AKAP11: variants seen among roughly 807,000 people sequenced by gnomAD.
The protein encoded by AKAP11 is A-kinase anchor protein 11.
A neutral mutation model predicts 146.1 loss-of-function variants in AKAP11; 36 were observed. That is an observed-to-expected ratio of 0.25 (90% CI 0.19 to 0.33). AKAP11 has a LOEUF of 0.33. Among genes scored for constraint, AKAP11 ranks in the 10% least tolerant of loss-of-function variants. The pLI, the probability that AKAP11 is intolerant of heterozygous loss-of-function variation, is 1.00. For synonymous variants in AKAP11, 780 were observed against 786.5 expected (o/e 0.99, Z 0.14); for missense variants, 2,201 against 2,197.0 (o/e 1.00, Z -0.04).
intron 9 of AKAP11, among the ~76,000 whole-genome samples, chr13:42,310,222 T>C (rs576794319): frequency 2.0e-4 from 30 of 152,340 alleles, no homozygotes; most frequent in Admixed American, 1.9e-3. Context: ...AAAAGACCTG[T>C]GTTTCCATTG....
intron 10 of AKAP11, among the ~76,000 whole-genome samples, chr13:42,313,566 T>C (rs1960669858): frequency 6.6e-6 from 1 of 152,214 alleles, no homozygotes; most frequent in Admixed American, 6.5e-5. Context: ...TCCTGGCATT[T>C]TGTAATATTC....
rs748329840 is a variant in AKAP11 at position 42,313,914 on chromosome 13, A to G, written c.5378A>G (p.Asp1793Gly). Residue 1793 changes from aspartate to glycine, a missense_variant, in exon 11 of 13, where the codon GAT becomes GGT. Coordinates refer to ENST00000025301, the MANE Select transcript of AKAP11 (RefSeq NM_016248.4). ...ATAAGTGATGGACCAGATGATAAAG[A>G]TGAAGAGCATGAGGACGAAGTAGAA... is the stretch of plus-strand genomic sequence containing the variant. The part of the protein sequence containing the change: ...TSDSDGPDDK[D>G]EEHEDEVEGL... 2 of 1,613,820 alleles carry G rather than the reference A, an allele frequency of 1.2e-6. No individual in the cohort carries two copies. Among genetic ancestry groups the G allele is most frequent in the Non-Finnish European group, 1.7e-6 (2 of 1,179,814 alleles).
At chr13:42,292,685 G>T (rs1959266054) in intron 4 of AKAP11, among the ~76,000 whole-genome samples, 184 bp downstream of exon 4, 2 of 152,102 alleles carry the variant, frequency 1.3e-5, no homozygotes, top group African/African-American at 2.4e-5. Context: ...TTAAATACTG[G>T]CTAAAATAAT....
intron 9 of AKAP11, among the ~76,000 whole-genome samples, chr13:42,309,029 G>A (rs1348784742): frequency 6.6e-6 from 1 of 151,978 alleles, no homozygotes; most frequent in African/African-American, 2.4e-5. Context: ...GTATCTTTTT[G>A]GTGGGGCGAG....
chr13:42,296,927 T>C, intron 5 of AKAP11, 121 bp from the exon 6 acceptor site: 5 of 733,654 alleles, frequency 6.8e-6, no homozygotes, highest in Non-Finnish European at 1.1e-5. Flanking sequence ...ATGTTAACTA[T>C]TATGAACCAG....
intron 1 of AKAP11, among the ~76,000 whole-genome samples, chr13:42,273,254 G>A (rs757014167): frequency 1.3e-5 from 2 of 151,946 alleles, no homozygotes; most frequent in Non-Finnish European, 2.9e-5. Context: ...GAAAAAATGG[G>A]GTATCAGTAA....
rs770356064 is a variant in AKAP11, at chr13:42,298,691, T to C, written c.510T>C (p.Asp170=). 6.2e-7 allele frequency: 1 copy of C among 1,611,560 alleles called. No homozygotes were observed. The highest frequency in any genetic ancestry group is 8.5e-7 in the Non-Finnish European group (1 of 1,179,138). ...AGAAGCACCAACTTGAGACCACTGA[T>C]GAAGATGATGATGATACTAACCAGT... The part of the protein sequence containing the change: ...LHQKHQLETT[D]EDDDDTNQSV... The change falls in exon 7 of 13, where the codon GAT becomes GAC. Residue 170 remains aspartate, a synonymous_variant. Coordinates refer to ENST00000025301, the MANE Select transcript of AKAP11 (RefSeq NM_016248.4).
chr13:42,288,096 C>T (rs1959180073), intron 3 of AKAP11, among the ~76,000 whole-genome samples: 1 of 152,194 alleles, frequency 6.6e-6, no homozygotes, highest in Non-Finnish European at 1.5e-5. Context: ...CATACACCAC[C>T]TTCTACATCT....
chr13:42,314,446 TAAA>T (rs59968668), intron 11 of AKAP11, among the ~76,000 whole-genome samples: 1 of 124,774 alleles, frequency 8.0e-6, no homozygotes. Context: ...GACTCTGACT[TAAA>T]AAAAAAAAAA....
At chr13:42,293,559 A>G (rs765659811) in intron 4 of AKAP11, among the ~76,000 whole-genome samples, 1 of 152,122 alleles carries the variant, frequency 6.6e-6, no homozygotes, top group Non-Finnish European at 1.5e-5. Context: ...GCCACTCTTA[A>G]TCTACTTGGT....
chr13:42,291,475 A>C (rs1000225085), intron 3 of AKAP11, among the ~76,000 whole-genome samples: 1 of 151,754 alleles, frequency 6.6e-6, no homozygotes, highest in Non-Finnish European at 1.5e-5. Flanking sequence ...CTGGTCTCGA[A>C]CTCCTTACCT....
At chr13:42,316,638 C>T (rs1489184318) in intron 11 of AKAP11, among the ~76,000 whole-genome samples, 1 of 152,138 alleles carries the variant, frequency 6.6e-6, no homozygotes, top group Non-Finnish European at 1.5e-5. Flanking sequence ...AGATTAAGAG[C>T]ATGGAGCCAG....
chr13:42,305,205 G>T (rs1960187686), intron 8 of AKAP11, among the ~76,000 whole-genome samples: 1 of 152,206 alleles, frequency 6.6e-6, no homozygotes, highest in Non-Finnish European at 1.5e-5. Context: ...AGTTGAGGTG[G>T]AATTTAATTG....
intron 9 of AKAP11, among the ~76,000 whole-genome samples, chr13:42,311,541 G>A (rs193098428): frequency 9.2e-4 from 140 of 152,188 alleles, no homozygotes; most frequent in African/African-American, 3.3e-3. Context: ...CACAAAGAGG[G>A]AGGGGTGATA....
chr13:42,296,901 G>C (rs943426853), intron 5 of AKAP11, 147 bp from the exon 6 acceptor site: 1 of 492,038 alleles, frequency 2.0e-6, no homozygotes, highest in East Asian at 3.8e-5. Flanking sequence ...AATTATCTGT[G>C]AATAATAAAC....
At chr13:42,277,681 G>A (rs1958958739) in intron 1 of AKAP11, among the ~76,000 whole-genome samples, 1 of 152,218 alleles carries the variant, frequency 6.6e-6, no homozygotes, top group Non-Finnish European at 1.5e-5. Context: ...CCAAATGCCT[G>A]TCTGCATTCA....
At chr13:42,276,326 ACCT>A (rs1467608174) in intron 1 of AKAP11, among the ~76,000 whole-genome samples, 1 of 151,844 alleles carries the variant, frequency 6.6e-6, no homozygotes, top group Non-Finnish European at 1.5e-5. Flanking sequence ...GCTCACTGCA[ACCT>A]CCTCCTCCCA....
chr13:42,317,034 C>T (rs28392640), intron 11 of AKAP11, among the ~76,000 whole-genome samples: 19,417 of 152,034 alleles, frequency 0.13, 1,387 homozygotes, highest in South Asian at 0.2. Context: ...TGTGCCACCA[C>T]GCCTGGCCGG....
chr13:42,314,021 A>G (rs1021738944), intron 11 of AKAP11, 81 bp downstream of exon 11: 19 of 1,400,674 alleles, frequency 1.4e-5, no homozygotes, highest in Non-Finnish European at 1.9e-5. Context: ...TTTTCATCAG[A>G]TAGGCTCTAG....
Sources: allele counts gnomAD v4.1 joint callset (sites outside exome capture counted in the v4.1 genomes callset), GRCh38; gene constraint gnomAD v4.1.1; transcripts MANE v1.5; gene names NCBI Gene and HGNC (gene_info 2026-07-23, HGNC 2026-07-21).